Variants in PDE3B observed in about 807,000 individuals in gnomAD.
The protein encoded by PDE3B is phosphodiesterase 3B.
Under a neutral mutation model 116.8 loss-of-function variants are expected in PDE3B, and 66 were observed. The observed-to-expected ratio is 0.56, with a 90% CI of 0.46 to 0.69. The LOEUF (loss-of-function observed/expected upper bound fraction) is 0.69, where lower values mean the gene tolerates loss of function less well. Among genes scored for constraint, PDE3B ranks in the 30% least tolerant of loss-of-function variants. The pLI is 0.00. For missense variants in PDE3B, 1,384 were observed against 1,368.1 expected, an observed-to-expected ratio of 1.01 and a Z score of -0.18; for synonymous variants, 595 against 533.6, an observed-to-expected ratio of 1.12 and a Z score of -1.59.
intron 1 of PDE3B, among the ~76,000 whole-genome samples, chr11:14,715,218 G>A (rs1298086473): frequency 6.6e-6 from 1 of 152,166 alleles, no homozygotes; most frequent in Non-Finnish European, 1.5e-5. Flanking sequence ...TTTTCTTTTG[G>A]CTTAGGATTG....
chr11:14,750,067 A>G (rs1857018043), intron 1 of PDE3B, among the ~76,000 whole-genome samples: 1 of 151,154 alleles, frequency 6.6e-6, no homozygotes, highest in Non-Finnish European at 1.5e-5. Context: ...GGAAAACACC[A>G]GTGTTGTAGC....
chr11:14,857,378 T>C (rs1847871134), intron 12 of PDE3B, among the ~76,000 whole-genome samples: 1 of 152,236 alleles, frequency 6.6e-6, no homozygotes, highest in South Asian at 2.1e-4. Flanking sequence ...CTCTGTGTGC[T>C]ACCTTCAAGT....
chr11:14,731,254 GA>G (rs1459943971), intron 1 of PDE3B, among the ~76,000 whole-genome samples: 4 of 139,822 alleles, frequency 2.9e-5, no homozygotes, highest in Admixed American at 7.1e-5. Flanking sequence ...ATTTTACTTT[GA>G]TTTTTTTTTT....
chr11:14,806,527 T>A (rs529958362), intron 5 of PDE3B, among the ~76,000 whole-genome samples: 2 of 151,586 alleles, frequency 1.3e-5, no homozygotes, highest in African/African-American at 4.8e-5. Flanking sequence ...AGCAAAGACT[T>A]GGAACCAACC....
chr11:14,757,459 C>T (rs540929556), intron 1 of PDE3B, among the ~76,000 whole-genome samples: 19 of 151,788 alleles, frequency 1.3e-4, no homozygotes, highest in African/African-American at 4.6e-4. Context: ...TCCTCTCTAG[C>T]ACCTGCTGTT....
intron 1 of PDE3B, among the ~76,000 whole-genome samples, chr11:14,721,455 C>G (rs369102167): frequency 6.6e-6 from 1 of 151,242 alleles, no homozygotes; most frequent in Non-Finnish European, 1.5e-5. Flanking sequence ...AATCATGCTG[C>G]TATAAAGACA....
chr11:14,761,156 C>T (rs1013841515), intron 1 of PDE3B, among the ~76,000 whole-genome samples: 5 of 151,970 alleles, frequency 3.3e-5, no homozygotes, highest in South Asian at 2.1e-4. Flanking sequence ...GAAAAAAGAC[C>T]GTTGAATTAA....
the PDE3B span, among the ~76,000 whole-genome samples, chr11:14,882,336 A>C: frequency 1.3e-5 from 2 of 152,178 alleles, no homozygotes; most frequent in Non-Finnish European, 2.9e-5. Flanking sequence ...AGAAGATGAC[A>C]TCTGAGTAAA....
the PDE3B span, chr11:14,877,849 G>A: frequency 5.1e-6 from 2 of 394,792 alleles, no homozygotes; most frequent in South Asian, 7.9e-5. Context: ...TCAGCTTAGG[G>A]CGTCCATGAC....
chr11:14,796,782 A>G (rs1029681677), intron 4 of PDE3B, among the ~76,000 whole-genome samples: 1 of 152,196 alleles, frequency 6.6e-6, no homozygotes, highest in Non-Finnish European at 1.5e-5. Context: ...TCAGATGGAT[A>G]GAGTGTAAAA....
intron 1 of PDE3B, among the ~76,000 whole-genome samples, chr11:14,725,333 CTT>C (rs1193674176): frequency 7.5e-6 from 1 of 133,450 alleles, no homozygotes; most frequent in Non-Finnish European, 1.6e-5. Flanking sequence ...CTTTCTTTTT[CTT>C]TCTTTCTTTC....
At chr11:14,794,262 A>G (rs1439468355) in intron 4 of PDE3B, among the ~76,000 whole-genome samples, 1 of 152,136 alleles carries the variant, frequency 6.6e-6, no homozygotes, top group African/African-American at 2.4e-5. Flanking sequence ...GCAAGCAAGC[A>G]ATTCTGTAGT....
At chr11:14,760,505 A>T (rs1486545223) in intron 1 of PDE3B, among the ~76,000 whole-genome samples, 2 of 152,192 alleles carry the variant, frequency 1.3e-5, no homozygotes, top group Admixed American at 1.3e-4. Context: ...TCCTGTACTG[A>T]CATATGTGCT....
intron 5 of PDE3B, among the ~76,000 whole-genome samples, chr11:14,811,134 TG>T (rs1338545506): frequency 6.6e-6 from 1 of 152,180 alleles, no homozygotes; most frequent in Non-Finnish European, 1.5e-5. Flanking sequence ...TTCACTCTGA[TG>T]GTAGTTTCTT....
chr11:14,872,589 G>GAA (rs1251822280), downstream of PDE3B, among the ~76,000 whole-genome samples: 6 of 152,282 alleles, frequency 3.9e-5, no homozygotes, highest in East Asian at 1.2e-3. Flanking sequence ...GGAACCAATG[G>GAA]AAAACTTTCA....
intron 1 of PDE3B, among the ~76,000 whole-genome samples, chr11:14,682,831 T>C (rs529248917): frequency 6.8e-4 from 103 of 152,126 alleles, no homozygotes; most frequent in African/African-American, 2.2e-3. Flanking sequence ...ATGGTGACTC[T>C]CAAAACGAAT....
At position 14,786,696 on chromosome 11, in the gene PDE3B, A is replaced by C; in HGVS notation, c.1278+11A>C. 6.3e-7 allele frequency: 1 copy of C among 1,595,648 alleles called. No individual in the cohort carries two copies. The highest frequency in any genetic ancestry group is 1.7e-5 in the Admixed American group (1 of 59,796). On this transcript the variant is annotated intron_variant, in intron 3 of 15. Transcript: ENST00000282096. ...AGAAAACTTAACAAGGTCGAAATAC[A>C]GTAATCATCTAACCCTATTTATCAA...
chr11:14,804,458 A>T (rs1590159077), intron 5 of PDE3B, among the ~76,000 whole-genome samples: 6 of 152,078 alleles, frequency 3.9e-5, no homozygotes, highest in South Asian at 2.1e-4. Context: ...TATGATAGGA[A>T]TTTTTTTTAA....
chr11:14,763,602 C>A (rs1481995632), intron 1 of PDE3B, among the ~76,000 whole-genome samples: 3 of 151,968 alleles, frequency 2.0e-5, no homozygotes, highest in Non-Finnish European at 4.4e-5. Flanking sequence ...AGAATTGCTG[C>A]TGAAATATCT....
Sources: gnomAD v4.1 joint callset for allele counts (sites outside exome capture counted in the v4.1 genomes callset) on GRCh38, gnomAD v4.1.1 for gene constraint, MANE v1.5 for transcripts, NCBI Gene and HGNC (gene_info 2026-07-23, HGNC 2026-07-21) for gene names.